The following CDH4 variants were observed in gnomAD, a reference collection of about 807,000 sequenced individuals.
CDH4 encodes the protein cadherin 4, also known as cadherin-4.
CDH4 carries 33 observed loss-of-function variants against 86.0 expected under a neutral mutation model. The ratio of observed to expected loss-of-function variants is 0.38; its 90% CI spans 0.29 to 0.51. The LOEUF is 0.51. CDH4 is among the 20% of genes least tolerant of loss of function. The pLI is 0.86. For synonymous variants in CDH4, 555 were observed against 549.4 expected (o/e 1.01, Z -0.14); for missense variants, 1,114 against 1,307.4 (o/e 0.85, Z 2.28).
At chr20:61,872,044 G>A (rs1229107589) in intron 6 of CDH4, among the ~76,000 whole-genome samples, 3 of 152,182 alleles carry the variant, frequency 2.0e-5, no homozygotes, top group Non-Finnish European at 4.4e-5. Context: ...GGGGAGGGGC[G>A]AGGGGGAAGG....
At chr20:61,660,123 C>T (rs1373573263) in intron 2 of CDH4, among the ~76,000 whole-genome samples, 1 of 152,186 alleles carries the variant, frequency 6.6e-6, no homozygotes, top group African/African-American at 2.4e-5. Flanking sequence ...CAGGTGGCTG[C>T]GGCCGGCTGA....
At chr20:61,546,848 C>A (rs1036679090) in intron 2 of CDH4, among the ~76,000 whole-genome samples, 3 of 152,146 alleles carry the variant, frequency 2.0e-5, no homozygotes, top group Non-Finnish European at 2.9e-5. Context: ...ACGGGATAAT[C>A]CTTTAGTGAG....
In CDH4 at chr20:61,516,395, T is replaced by G. The variant is rs200456543; in HGVS notation, c.170-227168T>G. On this transcript the variant is annotated intron_variant, in intron 2 of 15. Transcript: ENST00000614565. This position sits in a 1 kb window ranked among gnomAD's most constrained non-coding sequence, Gnocchi z 4.0. ...TACAGAGCCCCCGTCGGACGCTGCA[T>G]GAGCTCATGTGCATCACCTCCGACT... Among the ~76,000 whole-genome samples, 3 of 152,178 alleles carry G rather than the reference T, an allele frequency of 2.0e-5. No individual in the cohort carries two copies. Among genetic ancestry groups the G allele is most frequent in the East Asian group, 3.9e-4 (2 of 5,176 alleles).
At chr20:61,534,553 C>T (rs967969786) in intron 2 of CDH4, among the ~76,000 whole-genome samples, 2 of 152,046 alleles carry the variant, frequency 1.3e-5, no homozygotes, top group African/African-American at 2.4e-5. Flanking sequence ...TGGGAGGGCA[C>T]GGGACCGGGC....
intron 7 of CDH4, among the ~76,000 whole-genome samples, chr20:61,882,098 C>A (rs1382811614): frequency 6.6e-6 from 1 of 152,224 alleles, no homozygotes; most frequent in Non-Finnish European, 1.5e-5. Flanking sequence ...CACCTCGAAC[C>A]TCTGGCCTTC....
At chr20:61,489,291 G>T (rs1190449167) in intron 2 of CDH4, among the ~76,000 whole-genome samples, 1 of 152,202 alleles carries the variant, frequency 6.6e-6, no homozygotes, top group Non-Finnish European at 1.5e-5. Context: ...CCCAGGCACA[G>T]CCCAGTGACT....
intron 2 of CDH4, among the ~76,000 whole-genome samples, chr20:61,287,855 G>A (rs1235929019): frequency 6.6e-6 from 1 of 152,196 alleles, no homozygotes; most frequent in Non-Finnish European, 1.5e-5. Context: ...GGGTTGCTGT[G>A]GAAGAGGAGC....
intron 2 of CDH4, among the ~76,000 whole-genome samples, chr20:61,322,040 G>A (rs2084511629): frequency 1.3e-5 from 2 of 152,148 alleles, no homozygotes; most frequent in Admixed American, 6.5e-5. Flanking sequence ...GAAACCCCAT[G>A]CTTGAGGTTA....
At chr20:61,554,774 T>G (rs1321731630) in intron 2 of CDH4, among the ~76,000 whole-genome samples, 2 of 152,272 alleles carry the variant, frequency 1.3e-5, no homozygotes, top group East Asian at 3.8e-4. Context: ...CATATGTGCA[T>G]GGTGTGAACA....
At position 61,923,949 on chromosome 20, in the gene CDH4, C is replaced by T. The variant is rs572435337; in HGVS notation, c.1628+245C>T. Among the ~76,000 whole-genome samples, 56 of 152,362 alleles carry T rather than the reference C, an allele frequency of 3.7e-4. No homozygotes were observed. The East Asian group carries it at 0.01, about 28-fold the overall frequency. On this transcript the variant is annotated intron_variant, in intron 10 of 15. Coordinates refer to ENST00000614565, the MANE Select transcript of CDH4 (RefSeq NM_001794.5). The stretch of plus-strand genomic sequence containing the variant: ...TTACTCATTCAGCACTGTCTAGACA[C>T]AGGCCGGCCCGATCCTGGCCACACT...
chr20:61,774,609 C>T (rs1240664893), intron 4 of CDH4, among the ~76,000 whole-genome samples: 1 of 152,158 alleles, frequency 6.6e-6, no homozygotes, highest in Non-Finnish European at 1.5e-5. Context: ...GTTTGCTGCC[C>T]CTGTCAACCC....
intron 2 of CDH4, among the ~76,000 whole-genome samples, chr20:61,493,053 G>A (rs2085636985): frequency 6.6e-6 from 1 of 152,212 alleles, no homozygotes; most frequent in Non-Finnish European, 1.5e-5. Context: ...AGCCCAGTAG[G>A]TTTGAATGAA....
chr20:61,476,247 AG>A (rs1405199977), intron 2 of CDH4, among the ~76,000 whole-genome samples: 2 of 152,296 alleles, frequency 1.3e-5, no homozygotes, highest in East Asian at 3.9e-4. Context: ...TCCTGCGTTA[AG>A]CTCTGAACTA....
intron 2 of CDH4, among the ~76,000 whole-genome samples, chr20:61,257,179 C>T (rs1005457505): frequency 2.0e-5 from 3 of 152,202 alleles, no homozygotes; most frequent in Non-Finnish European, 2.9e-5. Flanking sequence ...TGGCCATGTT[C>T]CTCTGAGTAG....
At chr20:61,609,579 A>G (rs1040604297) in intron 2 of CDH4, among the ~76,000 whole-genome samples, 1 of 152,194 alleles carries the variant, frequency 6.6e-6, no homozygotes, top group East Asian at 1.9e-4. Context: ...GAGACCCAGC[A>G]CACGACACGC....
At position 61,600,085 on chromosome 20, in the gene CDH4, T is replaced by C. The variant is rs8116220; in HGVS notation, c.170-143478T>C. The C allele has an allele frequency of 4.0e-3, 1,779 of 448,468 alleles. 35 individuals are homozygous for C. The highest frequency in any genetic ancestry group is 0.036 in the African/African-American group (1,676 of 47,136). The allele number at this position is 448,468 out of a possible 1,614,324, so 27.8% of individuals were successfully genotyped here. A position where few individuals can be genotyped will look rare whatever the true frequency, so the allele number is the denominator to read the frequency against. On this transcript the variant is annotated intron_variant, in intron 2 of 15. Coordinates refer to ENST00000614565, the MANE Select transcript of CDH4 (RefSeq NM_001794.5). ...ACTGTCTGACTCTCCGGGGATGGTTTTCAAAACCAGCTGGCTCCTCGGATG... is the reference window on the plus strand; with the variant it reads ...ACTGTCTGACTCTCCGGGGATGGTTCTCAAAACCAGCTGGCTCCTCGGATG...
At chr20:61,594,631 C>A (rs989572382) in intron 2 of CDH4, among the ~76,000 whole-genome samples, 3 of 152,194 alleles carry the variant, frequency 2.0e-5, no homozygotes, top group Non-Finnish European at 2.9e-5. Context: ...GCTGAAGACG[C>A]CACAGCCCTG....
intron 2 of CDH4, among the ~76,000 whole-genome samples, chr20:61,688,847 A>G (rs1300478386): frequency 1.3e-5 from 2 of 152,272 alleles, no homozygotes; most frequent in African/African-American, 2.4e-5. Context: ...TGTGCAACCC[A>G]GCAGGGGAAA....
intron 2 of CDH4, among the ~76,000 whole-genome samples, chr20:61,651,328 C>CA (rs1297385116): frequency 2.0e-5 from 3 of 152,230 alleles, no homozygotes; most frequent in Non-Finnish European, 4.4e-5. Flanking sequence ...TGCCATTTTC[C>CA]AAAACTCTAG....
Sources: gnomAD v4.1 joint callset for allele counts (sites outside exome capture counted in the v4.1 genomes callset) on GRCh38, gnomAD v4.1.1 for gene constraint, Gnocchi (gnomAD v3.1) non-coding constraint, MANE v1.5 for transcripts, NCBI Gene and HGNC (gene_info 2026-07-23, HGNC 2026-07-21) for gene names.